ICA1: variants seen among roughly 807,000 people sequenced by gnomAD.
The protein encoded by ICA1 is 69 kDa islet cell autoantigen.
In ICA1, 40 loss-of-function variants were observed where a neutral mutation model predicts 71.0. The ratio of observed to expected loss-of-function variants is 0.56; its 90% CI spans 0.44 to 0.73. The LOEUF is 0.73. Ranked by LOEUF, ICA1 falls within the 30% of genes least tolerant of loss-of-function variation. ICA1 has a pLI of 0.00. For synonymous variants in ICA1, 207 were observed against 209.5 expected (o/e 0.99, Z 0.10); for missense variants, 578 against 576.5 (o/e 1.00, Z -0.03).
intron 6 of ICA1, among the ~76,000 whole-genome samples, chr7:8,186,409 G>A (rs1473307069): frequency 1.3e-5 from 2 of 152,182 alleles, no homozygotes; most frequent in African/African-American, 2.4e-5. Context: ...AGTGGGCTGG[G>A]TTTGTGTGGT....
chr7:8,210,490 A>T (rs1235648366), intron 6 of ICA1, among the ~76,000 whole-genome samples: 2 of 152,374 alleles, frequency 1.3e-5, no homozygotes, highest in Non-Finnish European at 2.9e-5. Flanking sequence ...TAAAAGCAGA[A>T]ATAATATAAA....
At position 8,128,115 on chromosome 7, in the gene ICA1, G is replaced by A. The variant is rs1244717026; in HGVS notation, c.1088C>T (p.Pro363Leu). 9 of 1,613,994 alleles carry A rather than the reference G, an allele frequency of 5.6e-6. No homozygotes were observed. Among genetic ancestry groups the A allele is most frequent in the African/African-American group, 1.3e-5 (1 of 74,918 alleles). The change falls in exon 13 of 14, where the codon CCG (proline) becomes CTG (leucine). Residue 363 changes from proline (P) to leucine (L), a missense_variant. Coordinates refer to ENST00000402384, the MANE Select transcript of ICA1 (RefSeq NM_001136020.3). ...GACLGPVAGT[P>L]EPEGADKDDL... ...ATCTTTGTCAGCACCTTCAGGTTCC[G>A]GGGTCCCTGCCACTGGTCCCAGGCA...
In ICA1 at chr7:8,234,201, G is replaced by T. The variant is rs1255121881; in HGVS notation, c.18-1446C>A. ...ACTGCACTTCATCCTGGGATACGGG[G>T]CGAGACCCTGTCCCTCAAAAAAGAA... is the stretch of plus-strand genomic sequence containing the variant. On this transcript the variant is annotated intron_variant, in intron 2 of 13. Transcript: ENST00000402384. This position sits in a 1 kb window ranked among gnomAD's most constrained non-coding sequence, Gnocchi z 4.5. 6.6e-6 allele frequency among the ~76,000 whole-genome samples: 1 copy of T among 152,182 alleles called. No individual in the cohort carries two copies. Among genetic ancestry groups the T allele is most frequent in the Non-Finnish European group, 1.5e-5 (1 of 68,040 alleles).
intron 6 of ICA1, among the ~76,000 whole-genome samples, chr7:8,177,154 C>T (rs192512819): frequency 6.0e-4 from 92 of 152,230 alleles, no homozygotes; most frequent in Non-Finnish European, 2.4e-4. Context: ...TAATTACATC[C>T]GTTGATGTAT....
rs1225650835 is a variant in ICA1 at position 8,138,828 on chromosome 7, C to T, written c.1060+12G>A. 6 of 1,579,174 alleles carry T rather than the reference C, an allele frequency of 3.8e-6. No homozygotes were observed. The Admixed American group carries it at 6.7e-5, about 18-fold the overall frequency. ...AACAAATCATAATCCCAAAGAAACA[C>T]ATAAATCTTACCACCTTCCTCAGAT... is the stretch of plus-strand genomic sequence containing the variant. On this transcript the variant is annotated intron_variant, in intron 12 of 13. Transcript: ENST00000402384.
chr7:8,218,593 T>TA, intron 5 of ICA1, 90 bp from the exon 6 acceptor site: 5 of 1,001,208 alleles, frequency 5.0e-6, no homozygotes, highest in Non-Finnish European at 7.8e-6. Flanking sequence ...CTCGTGAGTC[T>TA]AGAACAGTAC....
chr7:8,122,741 A>G (rs1356146785), intron 13 of ICA1, among the ~76,000 whole-genome samples: 1 of 152,252 alleles, frequency 6.6e-6, no homozygotes, highest in Non-Finnish European at 1.5e-5. Flanking sequence ...TTAAGTGGAA[A>G]TCCATCTAAA....
intron 6 of ICA1, among the ~76,000 whole-genome samples, chr7:8,196,324 A>C (rs941455123): frequency 6.6e-6 from 1 of 152,232 alleles, no homozygotes; most frequent in Non-Finnish European, 1.5e-5. Flanking sequence ...AAGGCAGTAA[A>C]AAGATCAGTG....
chr7:8,238,534 T>A (rs1011577081), intron 1 of ICA1, among the ~76,000 whole-genome samples: 1 of 152,226 alleles, frequency 6.6e-6, no homozygotes, highest in East Asian at 1.9e-4. Context: ...GTTCTCTATA[T>A]ATTCCAGATA....
chr7:8,162,260 AC>A (rs1447941506), intron 6 of ICA1, among the ~76,000 whole-genome samples: 6 of 152,160 alleles, frequency 3.9e-5, no homozygotes, highest in African/African-American at 1.4e-4. Flanking sequence ...AATTTTAGAA[AC>A]CTAGAAGACA....
intron 6 of ICA1, among the ~76,000 whole-genome samples, chr7:8,185,675 G>A (rs145723941): frequency 7.0e-4 from 106 of 152,296 alleles, no homozygotes; most frequent in African/African-American, 2.4e-3. Context: ...ATTTGGGCTC[G>A]AATGTTTCTA....
At chr7:8,142,616 C>G (rs1291484268) in intron 9 of ICA1, among the ~76,000 whole-genome samples, 3 of 152,220 alleles carry the variant, frequency 2.0e-5, no homozygotes, top group Non-Finnish European at 4.4e-5. Context: ...TCTTACTACA[C>G]AAGAGTAAGT....
intron 1 of ICA1, among the ~76,000 whole-genome samples, chr7:8,246,553 G>A (rs912647553): frequency 3.9e-5 from 6 of 152,144 alleles, no homozygotes; most frequent in African/African-American, 1.4e-4. Context: ...TTCCTAGACT[G>A]CACCTTGATG....
rs574734753 is a variant in ICA1, at chr7:8,251,727, A to C, written c.-80+10367T>G. On this transcript the variant is annotated intron_variant, in intron 1 of 13. Transcript: ENST00000402384. ...TTCCAAGAGATGTTTCTGAAAGGAAAATATCAAATATAACAGAAACCAAAA... is the reference window on the plus strand; with the variant it reads ...TTCCAAGAGATGTTTCTGAAAGGAACATATCAAATATAACAGAAACCAAAA... Among the ~76,000 whole-genome samples, 8 of 152,234 alleles carry C rather than the reference A, an allele frequency of 5.3e-5. No individual in the cohort carries two copies. In the South Asian group the frequency reaches 1.7e-3, roughly 32 times the overall value.
At chr7:8,261,147 G>A (rs1013975077) in intron 1 of ICA1, among the ~76,000 whole-genome samples, 2 of 151,986 alleles carry the variant, frequency 1.3e-5, no homozygotes, top group Admixed American at 6.6e-5. Context: ...CCTTTCTTGC[G>A]CTAATTTTTT....
intron 6 of ICA1, among the ~76,000 whole-genome samples, chr7:8,208,089 C>A (rs1792263384): frequency 6.6e-6 from 1 of 152,166 alleles, no homozygotes; most frequent in South Asian, 2.1e-4. Flanking sequence ...TGATGACAAA[C>A]TAACACAGAA....
At chr7:8,156,956 A>T in intron 8 of ICA1, 160 bp downstream of exon 8, 1 of 1,337,790 alleles carries the variant, frequency 7.5e-7, no homozygotes, top group Non-Finnish European at 9.6e-7. Flanking sequence ...AAAAAAAAAG[A>T]AAGAAAGAAA....
At chr7:8,162,346 T>C (rs1804174246) in intron 6 of ICA1, among the ~76,000 whole-genome samples, 1 of 152,252 alleles carries the variant, frequency 6.6e-6, no homozygotes, top group Non-Finnish European at 1.5e-5. Flanking sequence ...AAATACTTAA[T>C]GCACTGCTGA....
intron 6 of ICA1, among the ~76,000 whole-genome samples, chr7:8,201,488 G>A (rs775407123): frequency 1.3e-5 from 2 of 152,142 alleles, no homozygotes; most frequent in East Asian, 1.9e-4. Flanking sequence ...TTGTCTCAGG[G>A]AGGAAAAGCC....
Sources: gnomAD v4.1 joint callset for allele counts (sites outside exome capture counted in the v4.1 genomes callset) on GRCh38, gnomAD v4.1.1 for gene constraint, Gnocchi (gnomAD v3.1) non-coding constraint, MANE v1.5 for transcripts, NCBI Gene and HGNC (gene_info 2026-07-23, HGNC 2026-07-21) for gene names.